The following FGF12 variants were observed in gnomAD, a reference collection of about 807,000 sequenced individuals.
FGF12 encodes fibroblast growth factor 12.
Under a neutral mutation model 23.6 loss-of-function variants are expected in FGF12, and 14 were observed. The ratio of observed to expected loss-of-function variants is 0.59; its 90% CI spans 0.39 to 0.93. The LOEUF (loss-of-function observed/expected upper bound fraction) is 0.93, where lower values mean the gene tolerates loss of function less well. Ranked by LOEUF, FGF12 falls within the 40% of genes least tolerant of loss-of-function variation. FGF12 has a pLI of 0.00. For synonymous variants in FGF12, 62 were observed against 77.3 expected, an observed-to-expected ratio of 0.80 and a Z score of 1.04; for missense variants, 175 against 217.8, an observed-to-expected ratio of 0.80 and a Z score of 1.24.
rs1401687653 is a variant in FGF12, at chr3:192,140,829, A to G, written c.*3180T>C. On this transcript the variant is annotated 3_prime_UTR_variant, in exon 6 of 6. Coordinates refer to ENST00000445105, the MANE Select transcript of FGF12 (RefSeq NM_004113.6). ...CCAAAACGATTACTATGAGAATAGG[A>G]TGGCTTGCTGCCCTCCAATTTGCGG... 1 of 151,974 alleles carries G rather than the reference A, an allele frequency of 6.6e-6. No individual in the cohort carries two copies. The highest frequency in any genetic ancestry group is 6.6e-5 in the Admixed American group (1 of 15,246). The allele number at this position is 151,974 out of a possible 1,614,324, so 9.4% of individuals were successfully genotyped here.
chr3:192,580,010 G>T (rs1041088152), intron 2 of FGF12, among the ~76,000 whole-genome samples: 4 of 152,162 alleles, frequency 2.6e-5, no homozygotes, highest in African/African-American at 9.7e-5. Flanking sequence ...AGAGAGAAAT[G>T]GTGATGACAG....
chr3:192,721,049 C>T (rs1467130399), intron 2 of FGF12, among the ~76,000 whole-genome samples: 2 of 152,170 alleles, frequency 1.3e-5, no homozygotes, highest in South Asian at 2.1e-4. Flanking sequence ...ACTATTAAAA[C>T]TGTAGAATAA....
At position 192,408,058 on chromosome 3, in the gene FGF12, T is replaced by C. The variant is rs746726540; in HGVS notation, c.14-47520A>G. 21 of 1,612,642 alleles carry C rather than the reference T, an allele frequency of 1.3e-5. No homozygotes were observed. Among genetic ancestry groups the C allele is most frequent in the Non-Finnish European group, 1.7e-5 (20 of 1,179,810 alleles). On this transcript the variant is annotated intron_variant, in intron 2 of 5. Transcript: ENST00000445105. The surrounding 1 kb of genome is among the most constrained non-coding windows in gnomAD (Gnocchi z 7.3). ...CGCCTCACCGGCCTCTTGCGGCCGCTGCAGAAGCGCACTTTGCTGAACACC... is the reference window on the plus strand; with the variant it reads ...CGCCTCACCGGCCTCTTGCGGCCGCCGCAGAAGCGCACTTTGCTGAACACC...
intron 4 of FGF12, among the ~76,000 whole-genome samples, chr3:192,290,550 G>A (rs1245491002): frequency 6.6e-6 from 1 of 152,220 alleles, no homozygotes; most frequent in Non-Finnish European, 1.5e-5. Flanking sequence ...CAGCCCTGTG[G>A]TGTGCCATTT....
chr3:192,647,273 A>G (rs545159829), intron 2 of FGF12, among the ~76,000 whole-genome samples: 1 of 152,178 alleles, frequency 6.6e-6, no homozygotes, highest in East Asian at 1.9e-4. Flanking sequence ...GAGTTATAAC[A>G]CATTGGGGTT....
chr3:192,689,400 A>G (rs572140772), intron 2 of FGF12, among the ~76,000 whole-genome samples: 3 of 152,128 alleles, frequency 2.0e-5, no homozygotes, highest in Non-Finnish European at 4.4e-5. Flanking sequence ...CAAACAAGAG[A>G]GCACAAAAAA....
chr3:192,714,581 C>G (rs1317852201), intron 2 of FGF12, among the ~76,000 whole-genome samples: 1 of 142,626 alleles, frequency 7.0e-6, no homozygotes, highest in Non-Finnish European at 1.5e-5. Context: ...TGCAGCGGCG[C>G]AATCTCGGCT....
rs1000483429 is a variant in FGF12 at position 192,526,208 on chromosome 3, A to G, written c.14-165670T>C. On this transcript the variant is annotated intron_variant, in intron 2 of 5. Coordinates refer to ENST00000445105, the MANE Select transcript of FGF12 (RefSeq NM_004113.6). ...ATTGGATTCATTATCACCTCTGTCA[A>G]TAAACCTTCCCTGGCTGGATTAGGT... 1.3e-4 allele frequency among the ~76,000 whole-genome samples: 20 copies of G among 152,188 alleles called. 1 individual carries two copies. Among genetic ancestry groups the G allele is most frequent in the Admixed American group, 1.3e-4 (2 of 15,274 alleles).
intron 4 of FGF12, among the ~76,000 whole-genome samples, chr3:192,234,106 G>A (rs1035347671): frequency 6.6e-6 from 1 of 152,068 alleles, no homozygotes; most frequent in Admixed American, 6.5e-5. Context: ...AAATGACATT[G>A]ATTGATAAGA....
chr3:192,348,183 A>AGTGGGG (rs1718049931), intron 3 of FGF12, among the ~76,000 whole-genome samples: 1 of 152,156 alleles, frequency 6.6e-6, no homozygotes, highest in African/African-American at 2.4e-5. Flanking sequence ...AATACTGTGG[A>AGTGGGG]GTGGGCTTAA....
At chr3:192,228,825 T>C (rs1348846508) in intron 4 of FGF12, among the ~76,000 whole-genome samples, 1 of 152,110 alleles carries the variant, frequency 6.6e-6, no homozygotes, top group Non-Finnish European at 1.5e-5. Context: ...TTTAAGAAAT[T>C]ATTCCGTACA....
chr3:192,591,975 A>G (rs900468560), intron 2 of FGF12, among the ~76,000 whole-genome samples: 2 of 151,820 alleles, frequency 1.3e-5, no homozygotes, highest in African/African-American at 4.8e-5. Flanking sequence ...AAATTATAAG[A>G]AAAACTACTT....
rs60656064 is a variant in FGF12 at position 192,494,841 on chromosome 3, C to CATATATAT, written c.14-134311_14-134304dup. Among the ~76,000 whole-genome samples the CATATATAT allele has an allele frequency of 3.3e-3, 501 of 150,432 alleles. 4 individuals are homozygous for CATATATAT. The highest frequency in any genetic ancestry group is 0.012 in the African/African-American group (473 of 40,736). On this transcript the variant is annotated intron_variant, in intron 2 of 5. Transcript: ENST00000445105. ...TGTGGGAAGAATTGGAGGGCCTATG[C>CATATATAT]ATATATATATATATATATAAAATAC...
rs1406495850 is a variant in FGF12, at chr3:192,370,181, TAAC to T, written c.14-9646_14-9644del. Among the ~76,000 whole-genome samples, 6 of 152,184 alleles carry T rather than the reference TAAC, an allele frequency of 3.9e-5. 1 individual carries two copies. The highest frequency in any genetic ancestry group is 2.6e-4 in the Admixed American group (4 of 15,270). ...CTTGAGGATCTTTAAGCAAAGCTAATAACAAGTTTTACTTTATTCTTTAAGTCA... is the reference window on the plus strand; with the variant it reads ...CTTGAGGATCTTTAAGCAAAGCTAATAAGTTTTACTTTATTCTTTAAGTCA... On this transcript the variant is annotated intron_variant, in intron 2 of 5. Transcript: ENST00000445105.
chr3:192,459,599 CA>C (rs1165709370), intron 2 of FGF12, among the ~76,000 whole-genome samples: 2 of 152,126 alleles, frequency 1.3e-5, no homozygotes, highest in African/African-American at 2.4e-5. Context: ...AACAAGGCAT[CA>C]TTCTGCATGA....
intron 2 of FGF12, among the ~76,000 whole-genome samples, chr3:192,553,906 T>C (rs1433694158): frequency 6.6e-6 from 1 of 152,150 alleles, no homozygotes; most frequent in African/African-American, 2.4e-5. Context: ...TGGTTTAGAC[T>C]AACAAACACT....
intron 4 of FGF12, among the ~76,000 whole-genome samples, chr3:192,325,017 T>C (rs1422296443): frequency 1.3e-5 from 2 of 152,200 alleles, no homozygotes. Context: ...TATGAATACA[T>C]TGTAAGTTAA....
chr3:192,491,506 A>T (rs1314373486), intron 2 of FGF12, among the ~76,000 whole-genome samples: 1 of 152,152 alleles, frequency 6.6e-6, no homozygotes, highest in Non-Finnish European at 1.5e-5. Context: ...AAATGTGATG[A>T]ACTTATTTAC....
intron 4 of FGF12, among the ~76,000 whole-genome samples, chr3:192,247,444 T>C (rs1212377956): frequency 6.6e-6 from 1 of 152,150 alleles, no homozygotes; most frequent in East Asian, 1.9e-4. Flanking sequence ...TATGGCTCAA[T>C]GGACTCTGCT....
Sources: allele counts gnomAD v4.1 joint callset (sites outside exome capture counted in the v4.1 genomes callset), GRCh38; gene constraint gnomAD v4.1.1; non-coding constraint Gnocchi (gnomAD v3.1); transcripts MANE v1.5; gene names NCBI Gene and HGNC (gene_info 2026-07-23, HGNC 2026-07-21).